Variants in SACM1L observed in about 807,000 individuals in gnomAD.
SACM1L encodes the protein SAC1 like phosphatidylinositide phosphatase, also known as phosphatidylinositol-3-phosphatase SAC1.
SACM1L carries 32 observed loss-of-function variants against 89.5 expected under a neutral mutation model. The ratio of observed to expected loss-of-function variants is 0.36; its 90% CI spans 0.27 to 0.48. The LOEUF (loss-of-function observed/expected upper bound fraction) is 0.48, where lower values mean the gene tolerates loss of function less well. Among genes scored for constraint, SACM1L ranks in the 20% least tolerant of loss-of-function variants. The pLI is 0.99. For missense variants in SACM1L, 543 were observed against 708.5 expected (o/e 0.77, Z 2.65); for synonymous variants, 213 against 232.8 (o/e 0.92, Z 0.77).
At position 45,743,936 on chromosome 3, in the gene SACM1L, A is replaced by C. The variant is rs780747883; in HGVS notation, c.*267A>C. 3 of 296,310 alleles carry C rather than the reference A, an allele frequency of 1.0e-5. No homozygotes were observed. Among genetic ancestry groups the C allele is most frequent in the Non-Finnish European group, 1.9e-5 (3 of 161,416 alleles). The allele number at this position is 296,310 out of a possible 1,614,324, so 18.4% of individuals were successfully genotyped here. On this transcript the variant is annotated 3_prime_UTR_variant, in exon 20 of 20. Transcript: ENST00000389061. Reference sequence around the variant, plus strand: ...ATTCAGCTTGCAGAATGGAAGCTGAATCTGTTCATTGTATTCTATTGATTG... The same window carrying C: ...ATTCAGCTTGCAGAATGGAAGCTGACTCTGTTCATTGTATTCTATTGATTG...
chr3:45,712,995 C>A (rs2742369), intron 5 of SACM1L, 142 bp from the exon 6 acceptor site: 292,710 of 596,736 alleles, frequency 0.49, 74,627 homozygotes, highest in Middle Eastern at 0.57. Flanking sequence ...TACAGATTTG[C>A]GGGGGAGATG....
At chr3:45,741,023 G>A (rs1311755489) in intron 19 of SACM1L, among the ~76,000 whole-genome samples, 1 of 152,198 alleles carries the variant, frequency 6.6e-6, no homozygotes, top group Non-Finnish European at 1.5e-5. Context: ...TGAGAAGAAT[G>A]TATTCTTTAT....
chr3:45,695,077 G>A (rs1260304829), intron 1 of SACM1L, among the ~76,000 whole-genome samples: 1 of 152,148 alleles, frequency 6.6e-6, no homozygotes, highest in Non-Finnish European at 1.5e-5. Flanking sequence ...AGGGCTCAGT[G>A]AGGAGATACC....
chr3:45,698,526 A>T (rs1397709869), intron 1 of SACM1L, among the ~76,000 whole-genome samples: 1 of 152,128 alleles, frequency 6.6e-6, no homozygotes, highest in Non-Finnish European at 1.5e-5. Context: ...TTGATCCATA[A>T]TTACTCTTAT....
At chr3:45,717,711 C>T (rs996431454) in intron 7 of SACM1L, among the ~76,000 whole-genome samples, 7 of 152,208 alleles carry the variant, frequency 4.6e-5, no homozygotes, top group Admixed American at 2.0e-4. Flanking sequence ...ACCTTTCTGT[C>T]ATACCCCCCT....
At chr3:45,720,529 C>G (rs1021227055) in intron 8 of SACM1L, among the ~76,000 whole-genome samples, 1 of 152,022 alleles carries the variant, frequency 6.6e-6, no homozygotes, top group Non-Finnish European at 1.5e-5. Flanking sequence ...TCTCTTCCTC[C>G]TTTTTTAGAC....
chr3:45,700,229 G>A (rs1698234229), intron 1 of SACM1L, among the ~76,000 whole-genome samples: 1 of 152,100 alleles, frequency 6.6e-6, no homozygotes, highest in Non-Finnish European at 1.5e-5. Flanking sequence ...ATCTTTTTAT[G>A]TTAAAAATAG....
At chr3:45,731,042 A>C (rs1699042152) in intron 11 of SACM1L, among the ~76,000 whole-genome samples, 1 of 152,236 alleles carries the variant, frequency 6.6e-6, no homozygotes, top group Non-Finnish European at 1.5e-5. Flanking sequence ...GGGCTGGGTC[A>C]AGGACAAGTT....
chr3:45,741,708 CTTA>C (rs1162973109), intron 19 of SACM1L, among the ~76,000 whole-genome samples: 2 of 152,062 alleles, frequency 1.3e-5, no homozygotes, highest in African/African-American at 4.8e-5. Context: ...AAAGAGCCAT[CTTA>C]TTATTATTAT....
chr3:45,705,276 G>C, intron 3 of SACM1L, 67 bp downstream of exon 3: 1 of 926,372 alleles, frequency 1.1e-6, no homozygotes, highest in Non-Finnish European at 1.8e-6. Context: ...GTTAATATTA[G>C]AGTGAGTATA....
intron 1 of SACM1L, among the ~76,000 whole-genome samples, chr3:45,698,783 A>G (rs573679427): frequency 5.0e-4 from 76 of 151,438 alleles, no homozygotes; most frequent in African/African-American, 1.8e-3. Flanking sequence ...CTGAACTCCT[A>G]ACTTCACGGA....
intron 7 of SACM1L, among the ~76,000 whole-genome samples, chr3:45,716,379 G>T (rs922908343): frequency 2.6e-5 from 4 of 152,150 alleles, no homozygotes; most frequent in Non-Finnish European, 4.4e-5. Context: ...GGCTGAGTCA[G>T]GAGGATCACT....
At position 45,705,784 on chromosome 3, in the gene SACM1L, A is replaced by T. The variant is rs189798038; in HGVS notation, c.205+575A>T. Among the ~76,000 whole-genome samples, 30 of 152,308 alleles carry T rather than the reference A, an allele frequency of 2.0e-4. 1 individual carries two copies. In the East Asian group the frequency reaches 5.6e-3, roughly 28 times the overall value. ...CTCCCAAAGTGCTGGGATTACAGGC[A>T]TGAGCCACCACGCCCATCCTGTAAA... is the stretch of plus-strand genomic sequence containing the variant. On this transcript the variant is annotated intron_variant, in intron 3 of 19. Transcript: ENST00000389061.
chr3:45,732,123 C>G lies in SACM1L; in HGVS notation c.1072C>G (p.Gln358Glu), dbSNP rs1699086958. 2 of 1,604,678 alleles carry G rather than the reference C, an allele frequency of 1.2e-6. No individual in the cohort carries two copies. Among genetic ancestry groups the G allele is most frequent in the Non-Finnish European group, 1.7e-6 (2 of 1,176,132 alleles). Residue 358 changes from glutamine (Q) to glutamate (E), a missense_variant, in exon 13 of 20, where the codon CAG becomes GAG. This residue lies in a region of SACM1L where 370 missense variants were observed against 527.6 expected (regional missense o/e 0.70). Transcript: ENST00000389061. ...GGATCGACTAAGTATTTTATTGGATCAGGTAGCAGAAATGCAAGATGAATT... is the reference window on the plus strand; with the variant it reads ...GGATCGACTAAGTATTTTATTGGATGAGGTAGCAGAAATGCAAGATGAATT... ...RWDRLSILLDQVAEMQDELSY... is the reference protein window; with the variant it reads ...RWDRLSILLDEVAEMQDELSY...
chr3:45,732,259 C>T (rs116648647), intron 13 of SACM1L, 108 bp downstream of exon 13: 218 of 527,656 alleles, frequency 4.1e-4, no homozygotes, highest in Middle Eastern at 9.8e-4. Context: ...ACTGGATTGT[C>T]ATTGCTTGTC....
intron 1 of SACM1L, among the ~76,000 whole-genome samples, chr3:45,697,269 CTTTTTTTTTTTT>C (rs869095037): frequency 2.2e-5 from 2 of 92,120 alleles, no homozygotes; most frequent in South Asian, 7.2e-4. Flanking sequence ...TTTTCTTTTC[CTTTTTTTTTTTT>C]TTTTTTTTTT....
At chr3:45,714,189 A>C (rs1479489660) in intron 7 of SACM1L, 110 bp downstream of exon 7, 3 of 527,146 alleles carry the variant, frequency 5.7e-6, no homozygotes, top group Admixed American at 3.9e-5. Flanking sequence ...GTATTTCAGA[A>C]TTAATATAAA....
chr3:45,728,132 A>G (rs906763564), intron 11 of SACM1L, among the ~76,000 whole-genome samples: 1 of 152,108 alleles, frequency 6.6e-6, no homozygotes, highest in Admixed American at 6.5e-5. Flanking sequence ...TACTATTTGC[A>G]CAAAATATCT....
chr3:45,739,326 T>C (rs1313647990), intron 18 of SACM1L, among the ~76,000 whole-genome samples: 2 of 152,170 alleles, frequency 1.3e-5, no homozygotes, highest in South Asian at 4.1e-4. Flanking sequence ...TAGGTCCTCA[T>C]CTGGGCATCC....
Sources: allele counts gnomAD v4.1 joint callset (sites outside exome capture counted in the v4.1 genomes callset), GRCh38; gene constraint gnomAD v4.1.1; regional missense constraint gnomAD v4.1.1; transcripts MANE v1.5; gene names NCBI Gene and HGNC (gene_info 2026-07-23, HGNC 2026-07-21).